The following HEATR5A variants were observed in gnomAD, a reference collection of about 807,000 sequenced individuals.
The protein encoded by HEATR5A is HEAT repeat containing 5A, also known as HEAT repeat-containing protein 5A.
HEATR5A carries 178 observed loss-of-function variants against 218.8 expected under a neutral mutation model. That is an observed-to-expected ratio of 0.81 (90% confidence interval 0.72 to 0.92). HEATR5A has a LOEUF of 0.92. HEATR5A is among the 40% of genes least tolerant of loss of function. The pLI, the probability that HEATR5A is intolerant of heterozygous loss-of-function variation, is 0.00. For synonymous variants in HEATR5A, 864 were observed against 871.6 expected, an observed-to-expected ratio of 0.99 and a Z score of 0.15; for missense variants, 2,420 against 2,418.9, an observed-to-expected ratio of 1.00 and a Z score of -0.01.
chr14:31,413,721 T>G (rs2031360442), intron 1 of HEATR5A, among the ~76,000 whole-genome samples: 1 of 152,228 alleles, frequency 6.6e-6, no homozygotes, highest in African/African-American at 2.4e-5. Flanking sequence ...ATATTATTAT[T>G]CTAATTTTAC....
chr14:31,321,488 A>G lies in HEATR5A; in HGVS notation c.3969+11T>C, dbSNP rs1183931311. The stretch of plus-strand genomic sequence containing the variant: ...GTTTAATAATAAAATTCTCTAAAAG[A>G]AAGTGCTTACATTGGCTTGATACTG... On this transcript the variant is annotated intron_variant, in intron 25 of 35. Coordinates refer to ENST00000543095, the MANE Select transcript of HEATR5A (RefSeq NM_015473.4). 1.9e-6 allele frequency: 3 copies of G among 1,559,988 alleles called. No individual in the cohort carries two copies. Among genetic ancestry groups the G allele is most frequent in the Non-Finnish European group, 2.6e-6 (3 of 1,151,712 alleles).
intron 1 of HEATR5A, among the ~76,000 whole-genome samples, chr14:31,409,401 T>A (rs949159880): frequency 2.7e-5 from 4 of 149,760 alleles, no homozygotes; most frequent in African/African-American, 9.8e-5. Context: ...TAAGAGCAGT[T>A]AACAACCGTA....
chr14:31,325,743 T>C (rs1900248187), intron 23 of HEATR5A: 1 of 161,418 alleles, frequency 6.2e-6, no homozygotes, highest in Non-Finnish European at 1.3e-5. Flanking sequence ...CTCAAACTCC[T>C]GGACTTGAGC....
Position 31,295,939 on chromosome 14 carries a change from A to G in HEATR5A, c.5589T>C (p.Phe1863=). 6.2e-7 allele frequency: 1 copy of G among 1,613,696 alleles called. No homozygotes were observed. Among genetic ancestry groups the G allele is most frequent in the Non-Finnish European group, 8.5e-7 (1 of 1,179,690 alleles). ...GATCTTTTATCTCAAGAGTAGCTTT[A>G]AATTTATCAATACAGCGCTTCTGAA... The part of the protein sequence containing the change: ...PCLQKRCIDK[F]KATLEIKDPV... Residue 1863 remains phenylalanine (F), a synonymous_variant, in exon 34 of 36, where the codon TTT becomes TTC. Transcript: ENST00000543095.
intron 6 of HEATR5A, among the ~76,000 whole-genome samples, 158 bp downstream of exon 6, chr14:31,393,894 C>T (rs1029544949): frequency 1.4e-4 from 21 of 152,256 alleles, no homozygotes; most frequent in East Asian, 1.2e-3. Context: ...GTGATCCACC[C>T]GCCTTGGCCT....
chr14:31,375,461 C>A, intron 11 of HEATR5A, among the ~76,000 whole-genome samples: 1 of 152,156 alleles, frequency 6.6e-6, no homozygotes, highest in South Asian at 2.1e-4. Context: ...GTGGCATGAT[C>A]ACAGCTCACT....
chr14:31,329,700 T>A (rs766223836), intron 22 of HEATR5A, among the ~76,000 whole-genome samples: 16 of 152,104 alleles, frequency 1.1e-4, no homozygotes, highest in Admixed American at 2.6e-4. Context: ...CACTCTGGGG[T>A]CTAGAGACCC....
chr14:31,383,126 A>G (rs2030062694), intron 10 of HEATR5A, among the ~76,000 whole-genome samples: 1 of 152,186 alleles, frequency 6.6e-6, no homozygotes, highest in African/African-American at 2.4e-5. Flanking sequence ...AAAAAATAAA[A>G]TGAGTTCATA....
chr14:31,321,057 T>TC (rs927171276), intron 25 of HEATR5A, among the ~76,000 whole-genome samples: 1 of 152,002 alleles, frequency 6.6e-6, no homozygotes, highest in African/African-American at 2.4e-5. Flanking sequence ...AGACAGATCC[T>TC]CCCCCCTTTC....
In HEATR5A at chr14:31,387,097, ACTGT is replaced by A. The variant is rs2030256366; in HGVS notation, c.1189+19_1189+22del. ...CAATTCCATTAGCACTGTTAAACAA[ACTGT>A]CTTAGTAGAGATCCATACCCATAAC... is the stretch of plus-strand genomic sequence containing the variant. On this transcript the variant is annotated intron_variant, in intron 8 of 35. Transcript: ENST00000543095. 6.2e-7 allele frequency: 1 copy of A among 1,609,504 alleles called. No individual in the cohort carries two copies. The highest frequency in any genetic ancestry group is 1.1e-5 in the South Asian group (1 of 90,740).
intron 18 of HEATR5A, 50 bp from the exon 19 acceptor site, chr14:31,347,957 A>T: frequency 4.2e-6 from 5 of 1,201,914 alleles, no homozygotes; most frequent in Non-Finnish European, 5.5e-6. Context: ...AAAGAAAAAA[A>T]ACACAAAAAC....
intron 16 of HEATR5A, among the ~76,000 whole-genome samples, chr14:31,351,286 G>A (rs963962139): frequency 2.0e-5 from 3 of 152,146 alleles, no homozygotes; most frequent in African/African-American, 7.2e-5. Context: ...GAAGCTAGGA[G>A]TTTACGACCA....
intron 1 of HEATR5A, among the ~76,000 whole-genome samples, chr14:31,414,424 C>A (rs993584552): frequency 1.3e-5 from 2 of 152,054 alleles, no homozygotes; most frequent in Admixed American, 1.3e-4. Context: ...TAGAGAAACA[C>A]ATTAAAAGTA....
chr14:31,354,899 A>G (rs1218155402), intron 16 of HEATR5A, among the ~76,000 whole-genome samples: 1 of 152,184 alleles, frequency 6.6e-6, no homozygotes, highest in Non-Finnish European at 1.5e-5. Context: ...TCCATTCCCA[A>G]GTGACATCAT....
rs1227257867 is a variant in HEATR5A, at chr14:31,400,458, T to C, written c.181A>G (p.Asn61Asp). 6.5e-7 allele frequency: 1 copy of C among 1,535,936 alleles called. No homozygotes were observed. Among genetic ancestry groups the C allele is most frequent in the South Asian group, 1.2e-5 (1 of 84,056 alleles). The change falls in exon 3 of 36, where the codon AAC becomes GAC. Residue 61 changes from asparagine (N) to aspartate (D), a missense_variant. Asn to Asp is a conservative substitution (Grantham distance 23). Coordinates refer to ENST00000543095, the MANE Select transcript of HEATR5A (RefSeq NM_015473.4). ...TLVEQLLSLL[N>D]SSPGPPTRKL... ...CGGGTAGGAGGCCCTGGGGAGCTGTTCAACAAAGACAGGAGCTGTTCAACA... is the reference window on the plus strand; with the variant it reads ...CGGGTAGGAGGCCCTGGGGAGCTGTCCAACAAAGACAGGAGCTGTTCAACA...
chr14:31,307,994 AG>A lies in HEATR5A; in HGVS notation c.4716del (p.Leu1573TyrfsTer10). 1.2e-6 allele frequency: 2 copies of A among 1,611,838 alleles called. No homozygotes were observed. Among genetic ancestry groups the A allele is most frequent in the South Asian group, 2.2e-5 (2 of 90,144 alleles). ...CTTTCCATGGTTGCATCTGAACGTA[AG>A]GAACATAGAAATTCCACGCTGATTC... ...ILGISVEFLC[S>X]LRSDATMESI... On this transcript the variant is annotated frameshift_variant, in exon 30 of 36. Transcript: ENST00000543095. LOFTEE classifies it high-confidence loss of function.
chr14:31,347,803 G>T lies in HEATR5A; in HGVS notation c.2813C>A (p.Ser938Tyr), dbSNP rs1166130925. Residue 938 changes from serine (S) to tyrosine (Y), a missense_variant, in exon 19 of 36, where the codon TCT becomes TAT. Transcript: ENST00000543095. ...CAAAGTATAAAGGATTCCAATACAA[G>T]AATTTAGGTGTTGAGAAGAACTTAT... is the stretch of plus-strand genomic sequence containing the variant. ...GGISSSQHLN[S>Y]CIGILYTLAQ... 1 of 1,611,450 alleles carries T rather than the reference G, an allele frequency of 6.2e-7. No individual in the cohort carries two copies. Among genetic ancestry groups the T allele is most frequent in the African/African-American group, 1.3e-5 (1 of 74,884 alleles).
intron 1 of HEATR5A, among the ~76,000 whole-genome samples, chr14:31,415,317 G>GT (rs2031409731): frequency 1.3e-5 from 2 of 152,134 alleles, no homozygotes. Flanking sequence ...GAATAACTCC[G>GT]TATTATTCTG....
At chr14:31,341,944 A>G (rs749593781) in intron 21 of HEATR5A, among the ~76,000 whole-genome samples, 1 of 152,152 alleles carries the variant, frequency 6.6e-6, no homozygotes, top group African/African-American at 2.4e-5. Flanking sequence ...TTCAAATATA[A>G]AAGTAATATT....
Sources: gnomAD v4.1 joint callset for allele counts (sites outside exome capture counted in the v4.1 genomes callset) on GRCh38, gnomAD v4.1.1 for gene constraint, MANE v1.5 for transcripts, NCBI Gene and HGNC (gene_info 2026-07-23, HGNC 2026-07-21) for gene names.